KCNH7: variants seen among roughly 807,000 people sequenced by gnomAD.
KCNH7 encodes voltage-gated inwardly rectifying potassium channel KCNH7.
Under a neutral mutation model 120.8 loss-of-function variants are expected in KCNH7, and 49 were observed. That is an observed-to-expected ratio of 0.41 (90% confidence interval 0.32 to 0.51). KCNH7 has a LOEUF of 0.51. KCNH7 is among the 20% of genes least tolerant of loss of function. KCNH7 has a pLI of 0.38. For missense variants in KCNH7, 1,097 were observed against 1,446.6 expected, an observed-to-expected ratio of 0.76 and a Z score of 3.92; for synonymous variants, 547 against 516.1, an observed-to-expected ratio of 1.06 and a Z score of -0.81.
intron 2 of KCNH7, among the ~76,000 whole-genome samples, chr2:162,819,654 T>G (rs1400580784): frequency 1.3e-5 from 2 of 152,206 alleles, no homozygotes; most frequent in African/African-American, 4.8e-5. Context: ...TCTTTTGAGT[T>G]GCTAAGGATT....
intron 6 of KCNH7, among the ~76,000 whole-genome samples, chr2:162,457,767 A>G (rs960160834): frequency 7.2e-5 from 11 of 152,248 alleles, no homozygotes; most frequent in African/African-American, 2.4e-4. Context: ...CTAATAGGCT[A>G]GCTGTATTTT....
intron 2 of KCNH7, among the ~76,000 whole-genome samples, chr2:162,803,858 C>G (rs940362989): frequency 6.6e-6 from 1 of 151,520 alleles, no homozygotes; most frequent in Non-Finnish European, 1.5e-5. Flanking sequence ...GATCTGTGGA[C>G]AATGACACAT....
At chr2:162,423,562 C>T (rs372227414) in intron 8 of KCNH7, 27 bp from the exon 9 acceptor site, 27 of 1,598,474 alleles carry the variant, frequency 1.7e-5, no homozygotes, top group South Asian at 1.0e-4. Flanking sequence ...ACAAAGTTAT[C>T]GGGGAAACTG....
intron 2 of KCNH7, among the ~76,000 whole-genome samples, chr2:162,565,234 C>T (rs1426230411): frequency 6.6e-6 from 1 of 151,984 alleles, no homozygotes; most frequent in African/African-American, 2.4e-5. Flanking sequence ...TTTTACACAA[C>T]ATTTAGACTT....
chr2:162,578,469 G>A (rs1343335950), intron 2 of KCNH7, among the ~76,000 whole-genome samples: 1 of 151,986 alleles, frequency 6.6e-6, no homozygotes, highest in African/African-American at 2.4e-5. Flanking sequence ...TAGTGACACG[G>A]CCAAGGCTTC....
At chr2:162,411,540 A>C (rs918006151) in intron 9 of KCNH7, among the ~76,000 whole-genome samples, 4 of 151,954 alleles carry the variant, frequency 2.6e-5, no homozygotes, top group African/African-American at 9.7e-5. Context: ...TTTGTACATC[A>C]AGCCTCAGTG....
At chr2:162,389,975 A>T (rs1244598038) in intron 12 of KCNH7, among the ~76,000 whole-genome samples, 1 of 152,016 alleles carries the variant, frequency 6.6e-6, no homozygotes, top group African/African-American at 2.4e-5. Flanking sequence ...AGAAATAAAC[A>T]TGAAAAAACT....
rs1284571782 is a variant in KCNH7, at chr2:162,823,198, GAAC to G, written c.307+13336_307+13338del. The stretch of plus-strand genomic sequence containing the variant: ...CTTCATCTTTTCAATTTGTAAATGA[GAAC>G]AATAAAATATCTATGTCTTCGGATA... On this transcript the variant is annotated intron_variant, in intron 2 of 15. Coordinates refer to ENST00000332142, the MANE Select transcript of KCNH7 (RefSeq NM_033272.4). 6.0e-5 allele frequency among the ~76,000 whole-genome samples: 9 copies of G among 149,048 alleles called. No homozygotes were observed. The South Asian group carries it at 1.7e-3, about 28-fold the overall frequency.
chr2:162,767,398 C>T (rs1338588449), intron 2 of KCNH7, among the ~76,000 whole-genome samples: 2 of 152,106 alleles, frequency 1.3e-5, no homozygotes, highest in African/African-American at 2.4e-5. Context: ...GTCCTCACAT[C>T]CTTATCAACA....
In KCNH7 at chr2:162,827,611, C is replaced by T. The variant is rs141564333; in HGVS notation, c.307+8926G>A. 7.2e-4 allele frequency among the ~76,000 whole-genome samples: 110 copies of T among 152,152 alleles called. 4 individuals carry two copies. In the East Asian group the frequency reaches 0.02, roughly 27 times the overall value. ...CACTCTTTGATGTGAATTAAGTTAACCAGATTTAAACCTTGGATAATCAAT... is the reference window on the plus strand; with the variant it reads ...CACTCTTTGATGTGAATTAAGTTAATCAGATTTAAACCTTGGATAATCAAT... On this transcript the variant is annotated intron_variant, in intron 2 of 15. Transcript: ENST00000332142.
At chr2:162,625,124 C>T (rs1487891591) in intron 2 of KCNH7, among the ~76,000 whole-genome samples, 7 of 151,806 alleles carry the variant, frequency 4.6e-5, no homozygotes, top group Non-Finnish European at 7.4e-5. Context: ...CCCGAACTCC[C>T]GACCTCAAGT....
intron 2 of KCNH7, among the ~76,000 whole-genome samples, chr2:162,820,001 G>T (rs1310414111): frequency 7.2e-6 from 1 of 138,908 alleles, no homozygotes; most frequent in African/African-American, 2.7e-5. Context: ...ATTCTACAGT[G>T]TGTTTGTTCG....
chr2:162,766,259 A>G (rs1276221352), intron 2 of KCNH7, among the ~76,000 whole-genome samples: 1 of 152,184 alleles, frequency 6.6e-6, no homozygotes. Flanking sequence ...GTTCAATTTC[A>G]GCACTAGTCA....
At chr2:162,461,467 C>T (rs1403002087) in intron 6 of KCNH7, among the ~76,000 whole-genome samples, 2 of 152,154 alleles carry the variant, frequency 1.3e-5, no homozygotes, top group African/African-American at 4.8e-5. Flanking sequence ...CATAATAATA[C>T]ATTTTTAGGG....
chr2:162,498,653 C>A (rs1306812833), intron 6 of KCNH7, among the ~76,000 whole-genome samples: 1 of 152,048 alleles, frequency 6.6e-6, no homozygotes, highest in Admixed American at 6.6e-5. Context: ...AGGGACTATA[C>A]TTTTTCCTCC....
chr2:162,436,792 C>T (rs999362021), intron 7 of KCNH7, among the ~76,000 whole-genome samples: 1 of 151,998 alleles, frequency 6.6e-6, no homozygotes, highest in Non-Finnish European at 1.5e-5. Flanking sequence ...AAAAGGAGCA[C>T]TAAATATTAA....
At chr2:162,510,930 AAATGTTTTCTCC>A (rs1255571746) in intron 5 of KCNH7, among the ~76,000 whole-genome samples, 1 of 151,760 alleles carries the variant, frequency 6.6e-6, no homozygotes, top group Non-Finnish European at 1.5e-5. Flanking sequence ...TTAAGTTTGC[AAATGTTTTCTCC>A]AATTTGGGGA....
At chr2:162,636,488 C>T (rs897673517) in intron 2 of KCNH7, among the ~76,000 whole-genome samples, 1 of 152,058 alleles carries the variant, frequency 6.6e-6, no homozygotes, top group Non-Finnish European at 1.5e-5. Context: ...TTCTTATGCT[C>T]TTATTTTTTC....
At chr2:162,485,308 T>C (rs1033386577) in intron 6 of KCNH7, among the ~76,000 whole-genome samples, 2 of 152,218 alleles carry the variant, frequency 1.3e-5, no homozygotes, top group African/African-American at 4.8e-5. Flanking sequence ...TGAGGGGTTA[T>C]TTTAATTCAT....
Sources: allele counts gnomAD v4.1 joint callset (sites outside exome capture counted in the v4.1 genomes callset), GRCh38; gene constraint gnomAD v4.1.1; transcripts MANE v1.5; gene names NCBI Gene and HGNC (gene_info 2026-07-23, HGNC 2026-07-21).